AP1B1: variants seen among roughly 807,000 people sequenced by gnomAD.
AP1B1 encodes AP-1 complex subunit beta-1.
Under a neutral mutation model 104.3 loss-of-function variants are expected in AP1B1, and 36 were observed. The observed-to-expected ratio is 0.35, with a 90% confidence interval of 0.26 to 0.46. The LOEUF (loss-of-function observed/expected upper bound fraction) is 0.46. AP1B1 is among the 20% of genes least tolerant of loss of function. The pLI, the probability that AP1B1 is intolerant of heterozygous loss-of-function variation, is 1.00. For missense variants in AP1B1, 901 were observed against 1,247.9 expected, an observed-to-expected ratio of 0.72 and a Z score of 4.19; for synonymous variants, 504 against 517.5, an observed-to-expected ratio of 0.97 and a Z score of 0.35.
Position 29,329,025 on chromosome 22 carries a change from G to A in AP1B1, c.2776-130C>T, listed in dbSNP as rs1001195889. 3.6e-4 allele frequency: 527 copies of A among 1,476,370 alleles called. 1 individual carries two copies. The highest frequency in any genetic ancestry group is 4.9e-4 in the Middle Eastern group (2 of 4,094). The allele number at this position is 1,476,370 out of a possible 1,614,324, so 91.5% of individuals were successfully genotyped here. A position where few individuals can be genotyped will look rare whatever the true frequency, so the allele number is the denominator to read the frequency against. ...GTGCACACAGCCTGGCGGCAGCTGC[G>A]CCTGGCACAGATGTGAGGTAAAGCG... On this transcript the variant is annotated intron_variant, in intron 22 of 22. Coordinates refer to ENST00000357586, the MANE Select transcript of AP1B1 (RefSeq NM_001127.4).
chr22:29,347,517 A>T (rs1212375081), intron 11 of AP1B1, among the ~76,000 whole-genome samples: 1 of 152,222 alleles, frequency 6.6e-6, no homozygotes, highest in South Asian at 2.1e-4. Context: ...TCTCATTCTA[A>T]GTCCCACACT....
Position 29,331,464 on chromosome 22 carries a change from C to T in AP1B1, c.2509G>A (p.Glu837Lys). Residue 837 changes from glutamate to lysine, a missense_variant, in exon 19 of 23, where the codon GAG becomes AAG. This residue lies in a region of AP1B1 where 424 missense variants were observed against 494.0 expected (regional missense o/e 0.86). Transcript: ENST00000357586. Reference protein sequence around the residue: ...TLYPLHILFVEDGKMDRQMFL... With the variant: ...TLYPLHILFVKDGKMDRQMFL... The stretch of plus-strand genomic sequence containing the variant: ...CATGACTCACCCATCTTCCCGTCCT[C>T]CACAAAGAGGATGTGCAGTGGGTAC... The T allele has an allele frequency of 1.2e-6, 2 of 1,614,194 alleles. No homozygotes were observed. Among genetic ancestry groups the T allele is most frequent in the Non-Finnish European group, 1.7e-6 (2 of 1,180,026 alleles).
Position 29,327,773 on chromosome 22 carries a change from C to T in AP1B1, c.*1048G>A, listed in dbSNP as rs544511286. 9.3e-4 allele frequency: 142 copies of T among 152,172 alleles called. No individual in the cohort carries two copies. The highest frequency in any genetic ancestry group is 3.1e-3 in the African/African-American group (129 of 41,496). The allele number at this position is 152,172 out of a possible 1,614,324, so 9.4% of individuals were successfully genotyped here. A position where few individuals can be genotyped will look rare whatever the true frequency, so the allele number is the denominator to read the frequency against. ...GATGATATATATTAGATCTAGTTACCGTAGGGTCAGAAAACCATCCCCAAC... is the reference window on the plus strand; with the variant it reads ...GATGATATATATTAGATCTAGTTACTGTAGGGTCAGAAAACCATCCCCAAC... On this transcript the variant is annotated 3_prime_UTR_variant, in exon 23 of 23. Transcript: ENST00000357586.
chr22:29,365,498 A>G (rs1299865485), intron 2 of AP1B1, among the ~76,000 whole-genome samples: 1 of 151,986 alleles, frequency 6.6e-6, no homozygotes, highest in African/African-American at 2.4e-5. Context: ...AAAAAAAAAC[A>G]AACAAACAAC....
In AP1B1 at chr22:29,331,432, G is replaced by C. The variant is rs1368987698; in HGVS notation, c.2524+17C>G. On this transcript the variant is annotated intron_variant, in intron 19 of 22. Transcript: ENST00000357586. ...AGCCCCATTTCAGGCACCCCAGCGG[G>C]CTCCCTCATGACTCACCCATCTTCC... 1 of 1,613,380 alleles carries C rather than the reference G, an allele frequency of 6.2e-7. No homozygotes were observed. The highest frequency in any genetic ancestry group is 2.2e-5 in the East Asian group (1 of 44,878).
At chr22:29,360,067 G>A in intron 3 of AP1B1, 108 bp from the exon 4 acceptor site, 1 of 1,255,854 alleles carries the variant, frequency 8.0e-7, no homozygotes, top group Non-Finnish European at 1.1e-6. Context: ...AGAGAAAGGA[G>A]AGACACACTG....
At chr22:29,346,801 G>GT (rs1569156167) in intron 11 of AP1B1, among the ~76,000 whole-genome samples, 1 of 152,102 alleles carries the variant, frequency 6.6e-6, no homozygotes, top group Non-Finnish European at 1.5e-5. Context: ...CAGTGGGGGG[G>GT]GGTGACGGTG....
chr22:29,339,855 A>C lies in AP1B1; in HGVS notation c.1999-81T>G. 2.1e-6 allele frequency: 3 copies of C among 1,432,628 alleles called. No individual in the cohort carries two copies. In the South Asian group the frequency reaches 3.6e-5, roughly 17 times the overall value. 88.7% of individuals were successfully genotyped at this position (1,432,628 alleles called of 1,614,324 possible). A position where few individuals can be genotyped will look rare whatever the true frequency, so the allele number is the denominator to read the frequency against. On this transcript the variant is annotated intron_variant, in intron 14 of 22. Coordinates refer to ENST00000357586, the MANE Select transcript of AP1B1 (RefSeq NM_001127.4). ...AGCCAGGAAGGAAGACAGAGAAACA[A>C]GAGAGAGAAGGGAAAGAGGGAGATT...
chr22:29,345,089 C>T (rs759258062), intron 11 of AP1B1, among the ~76,000 whole-genome samples: 41 of 152,144 alleles, frequency 2.7e-4, no homozygotes, highest in Non-Finnish European at 4.9e-4. Context: ...GACAAGGTCT[C>T]GCTCTGTTGC....
At chr22:29,368,543 A>C (rs2062179603) in intron 1 of AP1B1, among the ~76,000 whole-genome samples, 1 of 152,232 alleles carries the variant, frequency 6.6e-6, no homozygotes, top group Non-Finnish European at 1.5e-5. Context: ...TAATCTTGTC[A>C]ATAATGTAAC....
chr22:29,380,437 T>C (rs140095577), intron 1 of AP1B1, among the ~76,000 whole-genome samples: 567 of 152,100 alleles, frequency 3.7e-3, no homozygotes, highest in Non-Finnish European at 7.2e-3. Context: ...CCAAACTGTG[T>C]AACTGACATC....
chr22:29,384,210 G>C (rs2062484414), intron 1 of AP1B1, among the ~76,000 whole-genome samples: 1 of 152,136 alleles, frequency 6.6e-6, no homozygotes, highest in Non-Finnish European at 1.5e-5. Flanking sequence ...CAAAATGCCT[G>C]ATAAATGTTA....
chr22:29,349,180 C>T (rs1313677693), intron 11 of AP1B1, 38 bp downstream of exon 11: 3 of 1,603,772 alleles, frequency 1.9e-6, no homozygotes, highest in East Asian at 2.2e-5. Context: ...GCTGAGCTGC[C>T]AGTCATGACT....
intron 16 of AP1B1, 30 bp downstream of exon 16, chr22:29,338,960 T>C (rs897399401): frequency 9.3e-6 from 15 of 1,612,882 alleles, no homozygotes; most frequent in African/African-American, 1.3e-5. Flanking sequence ...TTCTCTCTGC[T>C]CCCGCCAAGA....
chr22:29,381,108 G>T (rs2062430185), intron 1 of AP1B1, among the ~76,000 whole-genome samples: 1 of 152,156 alleles, frequency 6.6e-6, no homozygotes, highest in South Asian at 2.1e-4. Context: ...TGCTAGGAAG[G>T]CTCTTTCTCC....
At chr22:29,375,077 G>A (rs9613876) in intron 1 of AP1B1, among the ~76,000 whole-genome samples, 216 of 152,312 alleles carry the variant, frequency 1.4e-3, no homozygotes, top group African/African-American at 1.4e-3. Flanking sequence ...CTGGCCGGGC[G>A]CGGTGGCTCA....
At chr22:29,368,862 A>G (rs1344273930) in intron 1 of AP1B1, among the ~76,000 whole-genome samples, 1 of 151,898 alleles carries the variant, frequency 6.6e-6, no homozygotes, top group Non-Finnish European at 1.5e-5. Context: ...AGGAGGCAGA[A>G]GTTGCAGTGA....
chr22:29,387,390 C>T (rs2062544685), intron 1 of AP1B1, among the ~76,000 whole-genome samples: 1 of 151,814 alleles, frequency 6.6e-6, no homozygotes, highest in African/African-American at 2.4e-5. Context: ...TCACTGCAAC[C>T]TCCACCTCCT....
At chr22:29,383,468 T>G (rs1394199395) in intron 1 of AP1B1, among the ~76,000 whole-genome samples, 1 of 151,986 alleles carries the variant, frequency 6.6e-6, no homozygotes, top group African/African-American at 2.4e-5. Context: ...CCCAGCACTT[T>G]GGGAGGCTGA....
Sources: gnomAD v4.1 joint callset for allele counts (sites outside exome capture counted in the v4.1 genomes callset) on GRCh38, gnomAD v4.1.1 for gene constraint, gnomAD v4.1.1 regional missense constraint, MANE v1.5 for transcripts, NCBI Gene and HGNC (gene_info 2026-07-23, HGNC 2026-07-21) for gene names.